DST: variants seen among roughly 807,000 people sequenced by gnomAD.
The protein encoded by DST is dystonin.
Under a neutral mutation model 875.2 loss-of-function variants are expected in DST, and 253 were observed. The ratio of observed to expected loss-of-function variants is 0.29; its 90% CI spans 0.26 to 0.32. The LOEUF is 0.32. Among genes scored for constraint, DST ranks in the 10% least tolerant of loss-of-function variants. The pLI is 1.00. For synonymous variants in DST, 3,124 were observed against 3,197.1 expected (o/e 0.98, Z 0.77); for missense variants, 8,287 against 9,111.6 (o/e 0.91, Z 3.68).
In DST at chr6:56,475,394, AACACACACACACAC is replaced by A. The variant is rs35690052; in HGVS notation, c.21864+741_21864+754del. On this transcript the variant is annotated intron_variant, in intron 92 of 103. Coordinates refer to ENST00000680361, the MANE Select transcript of DST (RefSeq NM_001374736.1). ...CATTGATGTCTTATTAGGCTTTTAA[AACACACACACACAC>A]ACACACACACACACACACACACACA... 3.3e-3 allele frequency among the ~76,000 whole-genome samples: 479 copies of A among 144,946 alleles called. 2 individuals carry two copies. Among genetic ancestry groups the A allele is most frequent in the African/African-American group, 7.2e-3 (278 of 38,570 alleles).
chr6:56,689,157 G>A (rs1329145437), intron 9 of DST, among the ~76,000 whole-genome samples: 11 of 152,100 alleles, frequency 7.2e-5, no homozygotes, highest in Admixed American at 7.2e-4. Flanking sequence ...TTGCTCTGAA[G>A]ATAAATGTAG....
intron 9 of DST, among the ~76,000 whole-genome samples, chr6:56,677,031 G>A (rs1444579902): frequency 6.6e-6 from 1 of 152,052 alleles, no homozygotes; most frequent in Non-Finnish European, 1.5e-5. Flanking sequence ...GATTTTAAGT[G>A]TTTTCACCTG....
intron 36 of DST, chr6:56,619,701 A>G: frequency 6.2e-7 from 1 of 1,613,956 alleles, no homozygotes; most frequent in African/African-American, 1.3e-5. Flanking sequence ...GTTTGATTCA[A>G]TTGCCTACCA....
Position 56,508,712 on chromosome 6 carries a change from G to A in DST, c.19056C>T (p.Asn6352=), listed in dbSNP as rs1251405028. ...CCCTCTCTTCCACCAGTGTGTGTAT[G>A]TTCTCCCAAATGAAAACCATTTGGT... ...KLDQMVFIWE[N]IHTLVEEREA... Residue 6352 remains asparagine, a synonymous_variant, in exon 75 of 104, where the codon AAC becomes AAT. Transcript: ENST00000680361. 6.2e-7 allele frequency: 1 copy of A among 1,613,698 alleles called. No homozygotes were observed. Among genetic ancestry groups the A allele is most frequent in the East Asian group, 2.2e-5 (1 of 44,882 alleles).
intron 4 of DST, among the ~76,000 whole-genome samples, chr6:56,783,204 A>T (rs1433133553): frequency 2.6e-5 from 4 of 152,036 alleles, no homozygotes; most frequent in Admixed American, 6.6e-5. Context: ...TATTCTGTTG[A>T]TTTGGGGTGG....
chr6:56,640,264 A>C lies in DST; in HGVS notation c.2369T>G (p.Leu790Trp), dbSNP rs757749439. The C allele has an allele frequency of 8.1e-6, 13 of 1,614,078 alleles. No homozygotes were observed. In the African/African-American group the frequency reaches 1.6e-4, roughly 20 times the overall value. ...SGVEPNSLQT[L>W]KLMQIRKPLL... The stretch of plus-strand genomic sequence containing the variant: ...GGGTTTTCGGATCTGCATCAACTTC[A>C]AAGTTTGCAATGAATTTGGCTCTAC... The change falls in exon 18 of 104, where the codon TTG (leucine) becomes TGG (tryptophan). Residue 790 changes from leucine to tryptophan, a missense_variant. This residue lies in a region of DST where 1,160 missense variants were observed against 1,424.3 expected (regional missense o/e 0.81). Coordinates refer to ENST00000680361, the MANE Select transcript of DST (RefSeq NM_001374736.1).
At chr6:56,476,094 G>C (rs989665988) in intron 92 of DST, 55 bp downstream of exon 92, 1 of 1,440,710 alleles carries the variant, frequency 6.9e-7, no homozygotes, top group African/African-American at 1.4e-5. Flanking sequence ...AGCAGTGAAA[G>C]AAAGAAAATA....
At chr6:56,594,229 G>C (rs1419825852) in intron 47 of DST, 36 bp from the exon 48 acceptor site, 4 of 1,487,072 alleles carry the variant, frequency 2.7e-6, no homozygotes, top group Admixed American at 4.6e-5. Flanking sequence ...TCTTCAAGCA[G>C]TAACGGGGTA....
intron 2 of DST, among the ~76,000 whole-genome samples, chr6:56,944,671 C>A (rs1322363251): frequency 6.6e-6 from 1 of 152,174 alleles, no homozygotes. Context: ...TGACATTATA[C>A]TAAGAATGAA....
At chr6:56,837,523 A>G (rs1180748121) in intron 4 of DST, among the ~76,000 whole-genome samples, 1 of 151,906 alleles carries the variant, frequency 6.6e-6, no homozygotes, top group Non-Finnish European at 1.5e-5. Context: ...TCTAATATCT[A>G]TCTAACTTCC....
chr6:56,665,915 A>G lies in DST; in HGVS notation c.1214+4726T>C, dbSNP rs1588117743. 2.0e-5 allele frequency among the ~76,000 whole-genome samples: 3 copies of G among 152,360 alleles called. No homozygotes were observed. The East Asian group carries it at 5.8e-4, about 29-fold the overall frequency. On this transcript the variant is annotated intron_variant, in intron 10 of 103. Coordinates refer to ENST00000680361, the MANE Select transcript of DST (RefSeq NM_001374736.1). Reference sequence around the variant, plus strand: ...TGGTAATTTTAAAAGCTAACACATTAAAAAACAGCTAGGACAGAAACTGCC... The same window carrying G: ...TGGTAATTTTAAAAGCTAACACATTGAAAAACAGCTAGGACAGAAACTGCC...
rs1475019477 is a variant in DST, at chr6:56,636,646, T to C, written c.2971A>G (p.Arg991Gly). The C allele has an allele frequency of 6.2e-7, 1 of 1,613,262 alleles. No homozygotes were observed. The highest frequency in any genetic ancestry group is 1.7e-5 in the Admixed American group (1 of 60,026). Reference sequence around the variant, plus strand: ...CTCCACTGCGTCTGCATTGCCGCTCTGTAGGCCTTAAAGATAAAACAGAGC... The same window carrying C: ...CTCCACTGCGTCTGCATTGCCGCTCCGTAGGCCTTAAAGATAAAACAGAGC... ...HPARLTIEAYRAAMQTQWSWI... is the reference protein window; with the variant it reads ...HPARLTIEAYGAAMQTQWSWI... The change falls in exon 23 of 104, where the codon AGA becomes GGA. Residue 991 changes from arginine to glycine, a missense_variant. By Grantham distance (125) the Arg-to-Gly change is moderately radical. Coordinates refer to ENST00000680361, the MANE Select transcript of DST (RefSeq NM_001374736.1).
intron 36 of DST, chr6:56,616,812 A>G (rs1374318332): frequency 6.2e-7 from 1 of 1,614,042 alleles, no homozygotes; most frequent in African/African-American, 1.3e-5. Flanking sequence ...GAAGAATAAG[A>G]ATATCCCACA....
rs565855849 is a variant in DST, at chr6:56,789,900, A to G, written c.626-54611T>C. Among the ~76,000 whole-genome samples, 17 of 152,354 alleles carry G rather than the reference A, an allele frequency of 1.1e-4. No homozygotes were observed. The South Asian group carries it at 3.3e-3, about 30-fold the overall frequency. On this transcript the variant is annotated intron_variant, in intron 4 of 103. Coordinates refer to ENST00000680361, the MANE Select transcript of DST (RefSeq NM_001374736.1). The stretch of plus-strand genomic sequence containing the variant: ...ATTGGCCACTGTAAATAACGCTGCT[A>G]TGTACAATATCTGTGCTTATTTACA...
Position 56,785,826 on chromosome 6 carries a change from C to T in DST, c.626-50537G>A, listed in dbSNP as rs201169772. On this transcript the variant is annotated intron_variant, in intron 4 of 103. Coordinates refer to ENST00000680361, the MANE Select transcript of DST (RefSeq NM_001374736.1). ...TCTGCGTCGCTCACGCTGGGAGATG[C>T]AGACCGGAGCTGTTCCTATTCGGCC... 3.3e-3 allele frequency: 522 copies of T among 158,828 alleles called. 4 individuals are homozygous for T. The highest frequency in any genetic ancestry group is 0.012 in the African/African-American group (507 of 41,666). The allele number at this position is 158,828 out of a possible 1,614,324, so 9.8% of individuals were successfully genotyped here. A position where few individuals can be genotyped will look rare whatever the true frequency, so the allele number is the denominator to read the frequency against.
chr6:56,637,971 T>C (rs1056407765), intron 22 of DST, among the ~76,000 whole-genome samples: 1 of 151,998 alleles, frequency 6.6e-6, no homozygotes, highest in Non-Finnish European at 1.5e-5. Context: ...AGATGTATCA[T>C]ATTTTTTTCA....
At position 56,619,933 on chromosome 6, in the gene DST, C is replaced by T. The variant is rs369522869; in HGVS notation, c.4929+4597G>A. 5 of 1,614,000 alleles carry T rather than the reference C, an allele frequency of 3.1e-6. No homozygotes were observed. The highest frequency in any genetic ancestry group is 4.2e-6 in the Non-Finnish European group (5 of 1,180,026). Reference sequence around the variant, plus strand: ...TATTGGCAGCTGTTAGTTCATCTACCTGCTGTTTGAGTTCTTCTGCTTTCT... The same window carrying T: ...TATTGGCAGCTGTTAGTTCATCTACTTGCTGTTTGAGTTCTTCTGCTTTCT... On this transcript the variant is annotated intron_variant, in intron 36 of 103. Transcript: ENST00000680361.
At chr6:56,836,041 G>C (rs1305462609) in intron 4 of DST, among the ~76,000 whole-genome samples, 2 of 152,074 alleles carry the variant, frequency 1.3e-5, no homozygotes, top group African/African-American at 4.8e-5. Flanking sequence ...CATTAGAATT[G>C]ATAATACAAC....
At chr6:56,598,221 C>T (rs770088263) in intron 46 of DST, among the ~76,000 whole-genome samples, 1 of 152,176 alleles carries the variant, frequency 6.6e-6, no homozygotes, top group Non-Finnish European at 1.5e-5. Flanking sequence ...AAAATTTTAA[C>T]TATAATTGAT....
Sources: allele counts gnomAD v4.1 joint callset (sites outside exome capture counted in the v4.1 genomes callset), GRCh38; gene constraint gnomAD v4.1.1; regional missense constraint gnomAD v4.1.1; transcripts MANE v1.5; gene names NCBI Gene and HGNC (gene_info 2026-07-23, HGNC 2026-07-21).